Variants in FBXO22 observed in about 807,000 individuals in gnomAD.
The protein encoded by FBXO22 is F-box protein 22.
Under a neutral mutation model 37.2 loss-of-function variants are expected in FBXO22, and 13 were observed. That is an observed-to-expected ratio of 0.35 (90% CI 0.23 to 0.56). The LOEUF is 0.56. Among genes scored for constraint, FBXO22 ranks in the 20% least tolerant of loss-of-function variants. FBXO22 has a pLI of 0.87. For synonymous variants in FBXO22, 189 were observed against 189.1 expected (o/e 1.00, Z 0.00); for missense variants, 446 against 509.9 (o/e 0.87, Z 1.21).
intron 2 of FBXO22, 77 bp downstream of exon 2, chr15:75,904,706 C>T: frequency 7.1e-7 from 1 of 1,417,580 alleles, no homozygotes. Flanking sequence ...TTTTTTAAAT[C>T]CCAGTTTTGT....
At chr15:75,907,376 T>G (rs1236775506) in intron 2 of FBXO22, among the ~76,000 whole-genome samples, 1 of 152,248 alleles carries the variant, frequency 6.6e-6, no homozygotes, top group East Asian at 1.9e-4. Flanking sequence ...AAGTTCTCAA[T>G]AGATGTCTAT....
At chr15:75,927,448 T>C (rs533166079) in intron 5 of FBXO22, among the ~76,000 whole-genome samples, 41 of 152,200 alleles carry the variant, frequency 2.7e-4, no homozygotes, top group African/African-American at 9.9e-4. Context: ...AAGCCCTGAG[T>C]GTCAGGAGAT....
chr15:75,931,699 A>G (rs988514586), intron 6 of FBXO22, among the ~76,000 whole-genome samples: 7 of 152,208 alleles, frequency 4.6e-5, no homozygotes, highest in Non-Finnish European at 7.3e-5. Flanking sequence ...GATGTTCACT[A>G]TATTATGCTT....
In FBXO22 at chr15:75,937,800, C is replaced by T. The variant is rs2030525140; in HGVS notation, c.*4698C>T. On this transcript the variant is annotated 3_prime_UTR_variant, in exon 7 of 7. Transcript: ENST00000308275. Reference sequence around the variant, plus strand: ...TGTCTGCGGATACTTGAAGGACTGACACAAGGTCACATGTTTGTTTTGCCT... The same window carrying T: ...TGTCTGCGGATACTTGAAGGACTGATACAAGGTCACATGTTTGTTTTGCCT... 6.6e-6 allele frequency: 1 copy of T among 152,194 alleles called. No individual in the cohort carries two copies. Among genetic ancestry groups the T allele is most frequent in the African/African-American group, 2.4e-5 (1 of 41,438 alleles). The allele number at this position is 152,194 out of a possible 1,614,324, so 9.4% of individuals were successfully genotyped here.
intron 5 of FBXO22, among the ~76,000 whole-genome samples, chr15:75,925,329 T>C (rs1900415339): frequency 6.6e-6 from 1 of 152,160 alleles, no homozygotes; most frequent in Admixed American, 6.5e-5. Context: ...AGAACGGTGC[T>C]CTGTACTAGT....
chr15:75,913,406 C>T (rs1046648983), intron 3 of FBXO22, 116 bp downstream of exon 3: 2 of 646,856 alleles, frequency 3.1e-6, no homozygotes, highest in Admixed American at 5.0e-5. Flanking sequence ...CTGGGACTGC[C>T]ACCTGTAGTA....
chr15:75,942,171 TAAA>T lies in FBXO22; in HGVS notation c.*9070_*9072del, dbSNP rs2031056131. On this transcript the variant is annotated 3_prime_UTR_variant, in exon 7 of 7. Coordinates refer to ENST00000308275, the MANE Select transcript of FBXO22 (RefSeq NM_147188.3). ...AGGTTCAGTGGGAGAGAGGGAGGGG[TAAA>T]TACATGGAGTAGAGATTTTTAGGGT... The T allele has an allele frequency of 6.6e-6, 1 of 151,702 alleles. No homozygotes were observed. The highest frequency in any genetic ancestry group is 1.9e-4 in the East Asian group (1 of 5,176). The allele number at this position is 151,702 out of a possible 1,614,324, so 9.4% of individuals were successfully genotyped here. A position where few individuals can be genotyped will look rare whatever the true frequency, so the allele number is the denominator to read the frequency against.
chr15:75,932,939 C>T lies in FBXO22; in HGVS notation c.1049C>T (p.Pro350Leu), dbSNP rs767361655. 1 of 1,614,206 alleles carries T rather than the reference C, an allele frequency of 6.2e-7. No individual in the cohort carries two copies. The highest frequency in any genetic ancestry group is 1.1e-5 in the South Asian group (1 of 91,084). Residue 350 changes from proline (P) to leucine (L), a missense_variant, in exon 7 of 7, where the codon CCT becomes CTT. Pro to Leu is a moderately conservative substitution (Grantham distance 98). Around this residue, in one of 2 missense-constraint regions of FBXO22, gnomAD observed 315 missense variants for 410.1 expected, o/e 0.77. Transcript: ENST00000308275. ...VEADAFRKFF[P>L]SVPLFGFFGN... is the part of the protein sequence containing the mutation. ...GCTGATGCATTTAGAAAGTTTTTTC[C>T]TAGTGTTCCCTTATTCGGCTTCTTT...
chr15:75,932,655 G>T, intron 6 of FBXO22, 30 bp from the exon 7 acceptor site: 1 of 1,541,162 alleles, frequency 6.5e-7, no homozygotes, highest in South Asian at 1.3e-5. Context: ...AATGTTTCAT[G>T]AGATATTGCC....
chr15:75,930,667 C>G (rs1211766576), intron 6 of FBXO22: 10 of 985,246 alleles, frequency 1.0e-5, no homozygotes, highest in Non-Finnish European at 1.2e-5. Context: ...GTCTTGGGAG[C>G]CATTACTTCC....
intron 4 of FBXO22, 104 bp downstream of exon 4, chr15:75,914,309 A>C (rs935990909): frequency 1.2e-5 from 9 of 744,718 alleles, no homozygotes; most frequent in African/African-American, 7.1e-5. Context: ...ATTTCTGTCC[A>C]TCTAAAATAC....
At chr15:75,914,784 C>T (rs1185943935) in intron 4 of FBXO22, among the ~76,000 whole-genome samples, 1 of 152,136 alleles carries the variant, frequency 6.6e-6, no homozygotes, top group East Asian at 1.9e-4. Context: ...GCCGGCTGTA[C>T]CGCTTAGTAT....
intron 5 of FBXO22, among the ~76,000 whole-genome samples, chr15:75,928,375 T>G (rs1017928244): frequency 1.3e-5 from 2 of 152,000 alleles, no homozygotes; most frequent in Admixed American, 6.6e-5. Flanking sequence ...ATAAACTGGA[T>G]AAAGAAAATG....
In FBXO22 at chr15:75,932,793, TGCTGAGGCTGCGATGC is replaced by T. The variant is rs1440327350; in HGVS notation, c.904_919del (p.Ala302SerfsTer62). The stretch of plus-strand genomic sequence containing the variant: ...ACGAGGACGTCAGTGATGAGAAGAC[TGCTGAGGCTGCGATGC>T]AGCGCCTCAAAGCGGCCAACATTCC... On this transcript the variant is annotated frameshift_variant, in exon 7 of 7. Coordinates refer to ENST00000308275, the MANE Select transcript of FBXO22 (RefSeq NM_147188.3). LOFTEE classifies it high-confidence loss of function. 6.2e-7 allele frequency: 1 copy of T among 1,614,142 alleles called. No individual in the cohort carries two copies. The highest frequency in any genetic ancestry group is 8.5e-7 in the Non-Finnish European group (1 of 1,180,060).
intron 5 of FBXO22, among the ~76,000 whole-genome samples, chr15:75,920,315 G>T (rs1359022972): frequency 6.6e-6 from 1 of 152,182 alleles, no homozygotes; most frequent in Admixed American, 6.5e-5. Flanking sequence ...GTTGGTTTGA[G>T]AACCATTTTG....
Position 75,941,448 on chromosome 15 carries a change from G to A in FBXO22, c.*8346G>A, listed in dbSNP as rs1040199760. On this transcript the variant is annotated 3_prime_UTR_variant, in exon 7 of 7. Transcript: ENST00000308275. ...GTATATACACAAAATAATTGAAAGC[G>A]GAGGCTTGAGGGTATATTTGTATAC... The A allele has an allele frequency of 2.0e-5, 3 of 152,068 alleles. No individual in the cohort carries two copies. Among genetic ancestry groups the A allele is most frequent in the Admixed American group, 6.5e-5 (1 of 15,274 alleles). The allele number at this position is 152,068 out of a possible 1,614,324, so 9.4% of individuals were successfully genotyped here.
At chr15:75,911,247 G>A (rs1482987031) in intron 2 of FBXO22, among the ~76,000 whole-genome samples, 1 of 152,154 alleles carries the variant, frequency 6.6e-6, no homozygotes, top group Non-Finnish European at 1.5e-5. Flanking sequence ...GGCTATACAG[G>A]CTCTTTATTG....
intron 2 of FBXO22, 30 bp downstream of exon 2, chr15:75,904,659 A>AT (rs1339886978): frequency 1.3e-6 from 2 of 1,551,352 alleles, no homozygotes; most frequent in African/African-American, 2.8e-5. Flanking sequence ...ATGCACAGTC[A>AT]TTTGCAGGTT....
In FBXO22 at chr15:75,903,897, A is replaced by G. The variant is rs1899851253; in HGVS notation, c.-67A>G. 7.0e-7 allele frequency: 1 copy of G among 1,423,308 alleles called. No individual in the cohort carries two copies. The highest frequency in any genetic ancestry group is 2.7e-5 in the Admixed American group (1 of 36,536). 88.2% of individuals were successfully genotyped at this position (1,423,308 alleles called of 1,614,324 possible). The stretch of plus-strand genomic sequence containing the variant: ...CTGCTCAGTGCGCGCCGGCCGGGCA[A>G]CCCTATGCTGGCGTAATCGGGTTCC... On this transcript the variant is annotated 5_prime_UTR_variant, in exon 1 of 7. Transcript: ENST00000308275.
Sources: allele counts gnomAD v4.1 joint callset (sites outside exome capture counted in the v4.1 genomes callset), GRCh38; gene constraint gnomAD v4.1.1; regional missense constraint gnomAD v4.1.1; transcripts MANE v1.5; gene names NCBI Gene and HGNC (gene_info 2026-07-23, HGNC 2026-07-21).